VPS8: variants seen among roughly 807,000 people sequenced by gnomAD.
VPS8 encodes vacuolar protein sorting-associated protein 8 homolog.
In VPS8, 129 loss-of-function variants were observed where a neutral mutation model predicts 216.4. That is an observed-to-expected ratio of 0.60 (90% CI 0.52 to 0.69). The LOEUF (loss-of-function observed/expected upper bound fraction) is 0.69. Ranked by LOEUF, VPS8 falls within the 30% of genes least tolerant of loss-of-function variation. VPS8 has a pLI of 0.00. For missense variants in VPS8, 1,531 were observed against 1,683.5 expected, an observed-to-expected ratio of 0.91 and a Z score of 1.59; for synonymous variants, 571 against 565.4, an observed-to-expected ratio of 1.01 and a Z score of -0.14.
chr3:184,882,334 A>AT (rs140442589), intron 21 of VPS8: 14 of 447,858 alleles, frequency 3.1e-5, no homozygotes, highest in East Asian at 7.0e-5. Flanking sequence ...TGATCATGTG[A>AT]TTTTTTTTCT....
In VPS8 at chr3:184,830,881, T is replaced by C. The variant is rs141492637; in HGVS notation, c.223-1808T>C. On this transcript the variant is annotated intron_variant, in intron 3 of 47. Transcript: ENST00000625842. ...ATGTGTAGAGATATCTGGAAAGCAATGGTAAATTTGGACCTAAACCTTGAG... is the reference window on the plus strand; with the variant it reads ...ATGTGTAGAGATATCTGGAAAGCAACGGTAAATTTGGACCTAAACCTTGAG... Among the ~76,000 whole-genome samples, 723 of 152,172 alleles carry C rather than the reference T, an allele frequency of 4.8e-3. 5 individuals carry two copies. The highest frequency in any genetic ancestry group is 0.016 in the African/African-American group (671 of 41,494).
chr3:184,974,587 T>C (rs1486854083), intron 40 of VPS8, among the ~76,000 whole-genome samples: 7 of 152,154 alleles, frequency 4.6e-5, no homozygotes, highest in Non-Finnish European at 1.0e-4. Context: ...ATTTTTTTGT[T>C]TTCGTTACCT....
At position 184,944,041 on chromosome 3, in the gene VPS8, G is replaced by GCACACACA. The variant is rs57639626; in HGVS notation, c.3035+3813_3035+3820dup. ...TGCTTGAACCTGGGAGGCAGAGGTTGCACACACACACACACACACACAAAC... is the reference window on the plus strand; with the variant it reads ...TGCTTGAACCTGGGAGGCAGAGGTTGCACACACACACACACACACACACACACACAAAC... On this transcript the variant is annotated intron_variant, in intron 36 of 47. Coordinates refer to ENST00000625842, the MANE Select transcript of VPS8 (RefSeq NM_001009921.3). 4.3e-3 allele frequency among the ~76,000 whole-genome samples: 644 copies of GCACACACA among 149,960 alleles called. 4 individuals carry two copies. Among genetic ancestry groups the GCACACACA allele is most frequent in the African/African-American group, 0.015 (614 of 40,240 alleles).
At chr3:184,952,043 C>G (rs1744792280) in intron 36 of VPS8, among the ~76,000 whole-genome samples, 1 of 152,172 alleles carries the variant, frequency 6.6e-6, no homozygotes, top group Admixed American at 6.5e-5. Context: ...TATGTCTGGT[C>G]TTAATTTGCT....
At chr3:184,968,068 G>A (rs765252947) in intron 39 of VPS8, among the ~76,000 whole-genome samples, 4 of 151,852 alleles carry the variant, frequency 2.6e-5, no homozygotes, top group African/African-American at 9.7e-5. Flanking sequence ...GGCAAATACC[G>A]TCTTACTTTC....
chr3:184,939,029 CAAAA>C (rs201525906), intron 35 of VPS8, among the ~76,000 whole-genome samples: 3 of 53,442 alleles, frequency 5.6e-5, no homozygotes, highest in Non-Finnish European at 8.3e-5. Flanking sequence ...GACCCTGTCT[CAAAA>C]AAAAAAAAAA....
chr3:184,932,482 C>G (rs1204050691), intron 34 of VPS8, among the ~76,000 whole-genome samples: 1 of 152,010 alleles, frequency 6.6e-6, no homozygotes, highest in East Asian at 1.9e-4. Flanking sequence ...AAATGTATAG[C>G]TTAATTAAAA....
intron 45 of VPS8, among the ~76,000 whole-genome samples, chr3:185,011,106 CAG>C (rs1754955831): frequency 1.1e-5 from 1 of 89,504 alleles, no homozygotes; most frequent in Non-Finnish European, 2.3e-5. Flanking sequence ...AGTAGGGACA[CAG>C]AGTACAAAAA....
intron 46 of VPS8, among the ~76,000 whole-genome samples, chr3:185,040,622 A>G (rs1160191059): frequency 6.6e-6 from 1 of 152,132 alleles, no homozygotes; most frequent in Non-Finnish European, 1.5e-5. Flanking sequence ...TTAGAACAAA[A>G]TGACATCATC....
At chr3:185,032,373 G>T (rs1382086783) in intron 46 of VPS8, among the ~76,000 whole-genome samples, 2 of 152,170 alleles carry the variant, frequency 1.3e-5, no homozygotes, top group Non-Finnish European at 2.9e-5. Flanking sequence ...ATCTGCAAGG[G>T]TCTCAGAGAT....
At chr3:184,944,413 G>A (rs546661880) in intron 36 of VPS8, 19 of 691,282 alleles carry the variant, frequency 2.7e-5, no homozygotes, top group African/African-American at 7.8e-5. Context: ...CGTAAAGCCC[G>A]ACTCTACCCC....
intron 45 of VPS8, among the ~76,000 whole-genome samples, chr3:185,017,761 G>T (rs986142887): frequency 6.6e-6 from 1 of 152,174 alleles, no homozygotes; most frequent in African/African-American, 2.4e-5. Context: ...CGGCTGTGGC[G>T]GGGGACAGAC....
chr3:184,927,368 T>A (rs1023074700), intron 31 of VPS8, among the ~76,000 whole-genome samples: 1 of 152,170 alleles, frequency 6.6e-6, no homozygotes, highest in Non-Finnish European at 1.5e-5. Flanking sequence ...AAGTTGAGAC[T>A]ATCGGATAGC....
chr3:184,873,159 T>A (rs536120619), intron 21 of VPS8, among the ~76,000 whole-genome samples: 1 of 152,256 alleles, frequency 6.6e-6, no homozygotes, highest in East Asian at 1.9e-4. Context: ...GTAGGTGTCA[T>A]TTTTAATCCC....
intron 22 of VPS8, among the ~76,000 whole-genome samples, chr3:184,886,980 T>C (rs1027673938): frequency 2.6e-5 from 4 of 152,236 alleles, no homozygotes; most frequent in Non-Finnish European, 5.9e-5. Context: ...TTTTGTTTGT[T>C]TGTTTAAAAT....
At chr3:184,905,618 CTTTT>C (rs59430187) in intron 25 of VPS8, among the ~76,000 whole-genome samples, 3 of 125,626 alleles carry the variant, frequency 2.4e-5, no homozygotes, top group Admixed American at 7.8e-5. Context: ...AAGCTCAGCT[CTTTT>C]TTTTTTTTTT....
intron 38 of VPS8, among the ~76,000 whole-genome samples, chr3:184,965,314 CT>C (rs1263262707): frequency 6.6e-6 from 1 of 152,172 alleles, no homozygotes; most frequent in Non-Finnish European, 1.5e-5. Flanking sequence ...GGCTCTTAAT[CT>C]CTTTTAATCT....
At chr3:185,003,054 A>G (rs1311147652) in intron 45 of VPS8, among the ~76,000 whole-genome samples, 2 of 152,106 alleles carry the variant, frequency 1.3e-5, no homozygotes, top group African/African-American at 4.8e-5. Flanking sequence ...GTACTAGTTT[A>G]CATTCCCACT....
intron 39 of VPS8, among the ~76,000 whole-genome samples, chr3:184,971,096 G>A (rs1023179573): frequency 2.0e-5 from 3 of 152,208 alleles, no homozygotes; most frequent in Non-Finnish European, 4.4e-5. Context: ...AAAGTTGAAA[G>A]TGCTTGCAGG....
Sources: allele counts gnomAD v4.1 joint callset (sites outside exome capture counted in the v4.1 genomes callset), GRCh38; gene constraint gnomAD v4.1.1; transcripts MANE v1.5; gene names NCBI Gene and HGNC (gene_info 2026-07-23, HGNC 2026-07-21).